Variants in ZFP1 observed in about 807,000 individuals in gnomAD.
ZFP1 encodes ZFP1 zinc finger protein, also known as zinc finger protein 1 homolog.
Under a neutral mutation model 38.5 loss-of-function variants are expected in ZFP1, and 32 were observed. That is an observed-to-expected ratio of 0.83 (90% CI 0.63 to 1.12). ZFP1 has a LOEUF of 1.12. ZFP1 is among the 50% of genes most tolerant of loss of function. The pLI is 0.00. For missense variants in ZFP1, 616 were observed against 480.8 expected (o/e 1.28, Z -2.63); for synonymous variants, 245 against 168.8 (o/e 1.45, Z -3.50).
the ZFP1 span, among the ~76,000 whole-genome samples, chr16:75,135,667 A>G: frequency 6.6e-6 from 1 of 152,316 alleles, no homozygotes; most frequent in Non-Finnish European, 1.5e-5. Flanking sequence ...ATAATGAAGA[A>G]CAAAGGATGT....
chr16:75,142,981 C>G, the ZFP1 span, among the ~76,000 whole-genome samples: 20 of 152,178 alleles, frequency 1.3e-4, no homozygotes, highest in African/African-American at 4.6e-4. Flanking sequence ...GGATTACAGG[C>G]CTGAGCCACT....
chr16:75,147,116 C>T (rs1056701222), upstream of ZFP1, among the ~76,000 whole-genome samples: 2 of 151,890 alleles, frequency 1.3e-5, no homozygotes, highest in African/African-American at 4.8e-5. Context: ...CAGAGATTTC[C>T]AGGGGTTGTG....
chr16:75,158,567 A>G (rs2037584172), intron 2 of ZFP1, among the ~76,000 whole-genome samples: 1 of 150,130 alleles, frequency 6.7e-6, no homozygotes, highest in Non-Finnish European at 1.5e-5. Context: ...GGCTGGGATT[A>G]TAGGCGTGAG....
At chr16:75,146,805 C>T (rs969715688), upstream of ZFP1, among the ~76,000 whole-genome samples, 8 of 151,866 alleles carry the variant, frequency 5.3e-5, no homozygotes, top group African/African-American at 1.9e-4. Flanking sequence ...CCAGGCATGG[C>T]TGTGTATGCC....
At chr16:75,135,260 C>CAAAAAGTGAATGGATAAACAA in the ZFP1 span, among the ~76,000 whole-genome samples, 1 of 130,124 alleles carries the variant, frequency 7.7e-6, no homozygotes. Context: ...AGAGATCCTT[C>CAAAAAGTGAATGGATAAACAA]ACTCATTCAT....
chr16:75,159,276 ACTTCC>A (rs1227436320), intron 2 of ZFP1, among the ~76,000 whole-genome samples: 2 of 67,682 alleles, frequency 3.0e-5, no homozygotes, highest in Admixed American at 1.6e-4. Context: ...TCCTTCCCTC[ACTTCC>A]CTTCCTTCCC....
At chr16:75,151,845 C>T (rs1873283801) in intron 1 of ZFP1, among the ~76,000 whole-genome samples, 2 of 152,186 alleles carry the variant, frequency 1.3e-5, no homozygotes, top group Non-Finnish European at 2.9e-5. Context: ...TAAATAACTT[C>T]ATTAAACATT....
At chr16:75,140,823 G>T in the ZFP1 span, among the ~76,000 whole-genome samples, 36,746 of 151,966 alleles carry the variant, frequency 0.24, 4,998 homozygotes, top group Non-Finnish European at 0.31. Flanking sequence ...GCCGGGCGTG[G>T]TGTTGGGCGC....
upstream of ZFP1, among the ~76,000 whole-genome samples, chr16:75,147,038 C>T (rs752299101): frequency 6.6e-6 from 1 of 151,242 alleles, no homozygotes; most frequent in African/African-American, 2.4e-5. Context: ...TCTGAAAAAG[C>T]AACATATGTA....
intron 2 of ZFP1, among the ~76,000 whole-genome samples, chr16:75,165,437 C>G (rs1307765827): frequency 6.6e-6 from 1 of 152,106 alleles, no homozygotes; most frequent in East Asian, 1.9e-4. Context: ...CTCTGTCACC[C>G]AGGCTCAAGT....
the ZFP1 span, among the ~76,000 whole-genome samples, chr16:75,126,971 T>C: frequency 1.3e-5 from 2 of 152,220 alleles, no homozygotes; most frequent in Admixed American, 6.5e-5. Context: ...AAATATGTTA[T>C]TGGTATGTGT....
At chr16:75,146,309 C>T (rs1490599922), upstream of ZFP1, among the ~76,000 whole-genome samples, 1 of 152,030 alleles carries the variant, frequency 6.6e-6, no homozygotes. Context: ...GCTACAGGTG[C>T]CCGCCACCAC....
chr16:75,138,587 T>G, the ZFP1 span, among the ~76,000 whole-genome samples: 2 of 152,204 alleles, frequency 1.3e-5, no homozygotes, highest in Non-Finnish European at 2.9e-5. Context: ...ATTGCAGATG[T>G]AATTAGCTAA....
chr16:75,162,132 G>T (rs901166349), intron 2 of ZFP1, among the ~76,000 whole-genome samples: 1 of 151,692 alleles, frequency 6.6e-6, no homozygotes. Flanking sequence ...TCAGTATGGT[G>T]CAGCTTTTGA....
the ZFP1 span, among the ~76,000 whole-genome samples, chr16:75,121,127 A>T: frequency 6.6e-6 from 1 of 152,072 alleles, no homozygotes; most frequent in African/African-American, 2.4e-5. Context: ...TATCTAAATA[A>T]AACTAGTCTC....
At chr16:75,135,726 A>G in the ZFP1 span, among the ~76,000 whole-genome samples, 2 of 150,394 alleles carry the variant, frequency 1.3e-5, no homozygotes, top group Admixed American at 6.7e-5. Context: ...TACATACATG[A>G]CATTGTGCAT....
the ZFP1 span, chr16:75,126,424 G>C: frequency 1.3e-5 from 2 of 151,172 alleles, no homozygotes; most frequent in Non-Finnish European, 1.5e-5. Context: ...CACCCGCCTC[G>C]ACAGAGTCTT....
At chr16:75,142,254 C>A in the ZFP1 span, among the ~76,000 whole-genome samples, 1 of 150,900 alleles carries the variant, frequency 6.6e-6, no homozygotes, top group South Asian at 2.1e-4. Context: ...GTAGTCCCAG[C>A]TACTCGGGAG....
rs776290749 is a variant in ZFP1, at chr16:75,169,455, T to C, written c.345T>C (p.Tyr115=). The change falls in exon 4 of 4, where the codon TAT becomes TAC. Residue 115 remains tyrosine, a synonymous_variant. Transcript: ENST00000570010. The part of the protein sequence containing the change: ...KYDLYEKTLK[Y]NSDLLNSNRS... Reference sequence around the variant, plus strand: ...ACTTATATGAAAAAACTTTGAAATATAATTCAGACTTGCTTAATAGTAATA... The same window carrying C: ...ACTTATATGAAAAAACTTTGAAATACAATTCAGACTTGCTTAATAGTAATA... The C allele has an allele frequency of 9.3e-6, 15 of 1,612,670 alleles. No homozygotes were observed. The highest frequency in any genetic ancestry group is 1.3e-5 in the Non-Finnish European group (15 of 1,179,674).
Sources: allele counts gnomAD v4.1 joint callset (sites outside exome capture counted in the v4.1 genomes callset), GRCh38; gene constraint gnomAD v4.1.1; transcripts MANE v1.5; gene names NCBI Gene and HGNC (gene_info 2026-07-23, HGNC 2026-07-21).